The following CSMD1 variants were observed in gnomAD, a reference collection of about 807,000 sequenced individuals.
CSMD1 encodes the protein CUB and sushi domain-containing protein 1.
Under a neutral mutation model 417.5 loss-of-function variants are expected in CSMD1, and 213 were observed. The observed-to-expected ratio is 0.51, with a 90% CI of 0.46 to 0.57. The LOEUF (loss-of-function observed/expected upper bound fraction) is 0.57, where lower values mean the gene tolerates loss of function less well. Ranked by LOEUF, CSMD1 falls within the 20% of genes least tolerant of loss-of-function variation. CSMD1 has a pLI of 0.00. For missense variants in CSMD1, 6,923 were observed against 4,529.7 expected (o/e 1.53, Z -15.17); for synonymous variants, 2,862 against 1,736.8 (o/e 1.65, Z -16.11).
intron 1 of CSMD1, among the ~76,000 whole-genome samples, chr8:4,730,249 A>G (rs1168080122): frequency 6.6e-6 from 1 of 152,094 alleles, no homozygotes; most frequent in Non-Finnish European, 1.5e-5. Context: ...ATATATATAT[A>G]TACTTTTTTA....
intron 5 of CSMD1, among the ~76,000 whole-genome samples, chr8:3,770,988 G>C (rs1563062196): frequency 6.9e-6 from 1 of 145,500 alleles, no homozygotes; most frequent in South Asian, 2.2e-4. Context: ...AATTTGGACA[G>C]TTTCTCTCTC....
At chr8:4,617,903 G>C (rs990498349) in intron 2 of CSMD1, among the ~76,000 whole-genome samples, 11 of 152,170 alleles carry the variant, frequency 7.2e-5, no homozygotes, top group African/African-American at 2.6e-4. Flanking sequence ...CAATGCCTGG[G>C]ACCCAGTTCC....
chr8:3,286,609 GC>G (rs1291643464), intron 25 of CSMD1, among the ~76,000 whole-genome samples: 1 of 151,706 alleles, frequency 6.6e-6, no homozygotes, highest in Non-Finnish European at 1.5e-5. Flanking sequence ...ATGTTTTTTG[GC>G]TGCATAAATG....
chr8:3,896,804 A>G (rs1807402015), intron 5 of CSMD1, among the ~76,000 whole-genome samples: 1 of 152,058 alleles, frequency 6.6e-6, no homozygotes, highest in Non-Finnish European at 1.5e-5. Flanking sequence ...GTCTGAATTG[A>G]TGGTCTGATT....
intron 12 of CSMD1, among the ~76,000 whole-genome samples, chr8:3,463,586 G>A (rs982783685): frequency 1.3e-5 from 2 of 152,298 alleles, no homozygotes; most frequent in East Asian, 3.9e-4. Flanking sequence ...ACAAGGACAG[G>A]GGCATGAGCT....
rs949493387 is a variant in CSMD1, at chr8:2,978,011, T to C, written c.8566+601A>G. On this transcript the variant is annotated intron_variant, in intron 55 of 69. Transcript: ENST00000635120. ...TTAGTTGAATCATTTTGGAAGACAG[T>C]GTAGCGATTCCTCAAAGACCTAGAA... Among the ~76,000 whole-genome samples the C allele has an allele frequency of 8.5e-5, 13 of 152,176 alleles. 1 individual carries two copies. The highest frequency in any genetic ancestry group is 2.4e-4 in the African/African-American group (10 of 41,448).
At chr8:3,871,247 G>C (rs573968307) in intron 5 of CSMD1, among the ~76,000 whole-genome samples, 2 of 151,794 alleles carry the variant, frequency 1.3e-5, no homozygotes, top group Non-Finnish European at 2.9e-5. Flanking sequence ...ACATATTTTA[G>C]CACTTAATAA....
rs371632464 is a variant in CSMD1, at chr8:4,956,335, T to C, written c.85+37997A>G. Reference sequence around the variant, plus strand: ...ATATGAATAATAAAAATAATTAACATCCACTATAAATGTATACTTGTTTAC... The same window carrying C: ...ATATGAATAATAAAAATAATTAACACCCACTATAAATGTATACTTGTTTAC... On this transcript the variant is annotated intron_variant, in intron 1 of 69. Coordinates refer to ENST00000635120, the MANE Select transcript of CSMD1 (RefSeq NM_033225.6). 3.3e-5 allele frequency among the ~76,000 whole-genome samples: 5 copies of C among 151,588 alleles called. No individual in the cohort carries two copies. The East Asian group carries it at 9.7e-4, about 29-fold the overall frequency.
At chr8:4,222,976 A>T (rs1053933496) in intron 3 of CSMD1, among the ~76,000 whole-genome samples, 57 of 152,304 alleles carry the variant, frequency 3.7e-4, no homozygotes, top group South Asian at 4.1e-4. Context: ...GGGCTTTGAG[A>T]AGCTGAAGTT....
At chr8:4,962,341 G>C (rs1382046546) in intron 1 of CSMD1, among the ~76,000 whole-genome samples, 1 of 151,956 alleles carries the variant, frequency 6.6e-6, no homozygotes, top group African/African-American at 2.4e-5. Context: ...CTCCCAATTA[G>C]CTAGGACTAC....
At chr8:3,307,221 G>C (rs550365562) in intron 25 of CSMD1, among the ~76,000 whole-genome samples, 6 of 152,074 alleles carry the variant, frequency 3.9e-5, no homozygotes, top group East Asian at 3.9e-4. Flanking sequence ...TTGGAAATTT[G>C]TTCATCCCTT....
intron 3 of CSMD1, among the ~76,000 whole-genome samples, chr8:4,308,626 A>C (rs1476429584): frequency 1.3e-5 from 2 of 152,190 alleles, no homozygotes; most frequent in Non-Finnish European, 2.9e-5. Flanking sequence ...CCTGCTTTGG[A>C]AAACTAAGGA....
At chr8:3,577,952 C>T (rs927832708) in intron 9 of CSMD1, among the ~76,000 whole-genome samples, 6 of 152,124 alleles carry the variant, frequency 3.9e-5, no homozygotes, top group Non-Finnish European at 1.5e-5. Flanking sequence ...GTGGCTTGAG[C>T]TGTTGTGATT....
chr8:4,820,370 T>C (rs998887646), intron 1 of CSMD1, among the ~76,000 whole-genome samples: 1 of 152,212 alleles, frequency 6.6e-6, no homozygotes, highest in Non-Finnish European at 1.5e-5. Flanking sequence ...TGCACTTCTA[T>C]GATTTTTAAG....
intron 7 of CSMD1, among the ~76,000 whole-genome samples, chr8:3,634,301 G>T (rs769747841): frequency 6.6e-6 from 1 of 152,206 alleles, no homozygotes; most frequent in Non-Finnish European, 1.5e-5. Flanking sequence ...TAGGACTGAA[G>T]ACTAAGGTCA....
intron 37 of CSMD1, among the ~76,000 whole-genome samples, chr8:3,171,100 G>C (rs1237841696): frequency 3.3e-5 from 5 of 152,182 alleles, no homozygotes; most frequent in Non-Finnish European, 7.3e-5. Context: ...TAGTTCATGA[G>C]AATGACAAGA....
At chr8:4,713,236 A>T (rs965426996) in intron 1 of CSMD1, among the ~76,000 whole-genome samples, 2 of 152,198 alleles carry the variant, frequency 1.3e-5, no homozygotes. Context: ...TTTATTAGCC[A>T]ATTACTCAAG....
chr8:4,005,204 G>C (rs1430677985), intron 4 of CSMD1, among the ~76,000 whole-genome samples: 1 of 152,096 alleles, frequency 6.6e-6, no homozygotes, highest in African/African-American at 2.4e-5. Context: ...TGCACAGGTG[G>C]TGGGTGCACC....
intron 3 of CSMD1, among the ~76,000 whole-genome samples, chr8:4,344,392 G>A (rs967371702): frequency 1.1e-4 from 17 of 152,128 alleles, no homozygotes; most frequent in African/African-American, 4.1e-4. Context: ...AGCTCAGAGA[G>A]TACCTACTAT....
Sources: gnomAD v4.1 joint callset for allele counts (sites outside exome capture counted in the v4.1 genomes callset) on GRCh38, gnomAD v4.1.1 for gene constraint, MANE v1.5 for transcripts, NCBI Gene and HGNC (gene_info 2026-07-23, HGNC 2026-07-21) for gene names.